The following LRRC37A2 variants were observed in gnomAD, a reference collection of about 807,000 sequenced individuals.
LRRC37A2 encodes leucine rich repeat containing 37 member A2.
In LRRC37A2, 9 loss-of-function variants were observed where a neutral mutation model predicts 68.8. The ratio of observed to expected loss-of-function variants is 0.13; its 90% confidence interval spans 0.08 to 0.23. LRRC37A2 has a LOEUF of 0.23. LRRC37A2 is among the 10% of genes least tolerant of loss of function. The probability of loss-of-function intolerance (pLI) is 1.00; values close to 1 mark genes in which losing one functional copy is unlikely to be tolerated. For synonymous variants in LRRC37A2, 63 were observed against 367.6 expected (o/e 0.17, Z 9.48); for missense variants, 168 against 950.4 (o/e 0.18, Z 10.82).
chr17:46,716,219 G>A, the LRRC37A2 span, among the ~76,000 whole-genome samples: 1 of 151,000 alleles, frequency 6.6e-6, no homozygotes, highest in Non-Finnish European at 1.5e-5. Flanking sequence ...TCATTCTTTA[G>A]TATAAGTTCT....
chr17:46,516,186 C>T (rs2051270354), intron 2 of LRRC37A2, among the ~76,000 whole-genome samples: 1 of 149,246 alleles, frequency 6.7e-6, no homozygotes. Flanking sequence ...GCCTGGAGTC[C>T]CAGCTACTCG....
At chr17:46,731,262 T>TA in the LRRC37A2 span, among the ~76,000 whole-genome samples, 2 of 152,156 alleles carry the variant, frequency 1.3e-5, no homozygotes, top group Non-Finnish European at 2.9e-5. Context: ...TGATTCCAGT[T>TA]ACATGAAATG....
At chr17:46,716,903 G>GT in the LRRC37A2 span, among the ~76,000 whole-genome samples, 4 of 152,124 alleles carry the variant, frequency 2.6e-5, no homozygotes, top group African/African-American at 4.8e-5. Flanking sequence ...TTTTTTCAGT[G>GT]TAACTAAAGC....
the LRRC37A2 span, chr17:46,935,356 C>T: frequency 3.4e-5 from 49 of 1,455,418 alleles, 1 homozygote; most frequent in African/African-American, 7.0e-4. Context: ...GTACCCAGTT[C>T]CTTTGCCAGT....
the LRRC37A2 span, among the ~76,000 whole-genome samples, chr17:46,479,624 C>G: frequency 9.8e-6 from 1 of 102,334 alleles, no homozygotes; most frequent in Admixed American, 9.5e-5. Flanking sequence ...TCTCCTGCCT[C>G]AGCCTCCCAA....
At chr17:46,999,266 T>C in the LRRC37A2 span, among the ~76,000 whole-genome samples, 17 of 152,224 alleles carry the variant, frequency 1.1e-4, no homozygotes, top group African/African-American at 4.1e-4. Flanking sequence ...CTGCAGCTTA[T>C]TTATTAAGAA....
the LRRC37A2 span, among the ~76,000 whole-genome samples, chr17:46,945,223 G>A: frequency 2.2e-4 from 34 of 152,316 alleles, no homozygotes; most frequent in African/African-American, 8.2e-4. Context: ...GAGGCCTGAT[G>A]TGCTGTCTTC....
the LRRC37A2 span, chr17:46,940,283 C>T: frequency 7.0e-7 from 1 of 1,435,678 alleles, no homozygotes; most frequent in South Asian, 1.5e-5. Flanking sequence ...TGTTCCTACC[C>T]CTCCGGGCCA....
the LRRC37A2 span, among the ~76,000 whole-genome samples, chr17:46,980,391 CTCT>C: frequency 6.7e-6 from 1 of 150,076 alleles, no homozygotes; most frequent in African/African-American, 2.5e-5. Context: ...TTCTTTCTTT[CTCT>C]TCTTTCTTCT....
the LRRC37A2 span, among the ~76,000 whole-genome samples, chr17:46,902,264 C>T: frequency 0.011 from 1,715 of 152,192 alleles, 40 homozygotes; most frequent in African/African-American, 0.039. Flanking sequence ...TTTTCCCGTG[C>T]TTTAGATCAA....
downstream of LRRC37A2, chr17:46,560,536 A>C (rs1348171973): frequency 2.0e-5 from 1 of 49,046 alleles, no homozygotes; most frequent in Non-Finnish European, 4.6e-5. Context: ...TAGGGCACAA[A>C]CCTAGTCAGG....
the LRRC37A2 span, among the ~76,000 whole-genome samples, chr17:46,798,297 A>G: frequency 6.6e-6 from 1 of 152,144 alleles, no homozygotes; most frequent in Non-Finnish European, 1.5e-5. Context: ...CTAGAGGGAG[A>G]TGGGGAATGG....
chr17:46,550,983 C>G lies in LRRC37A2; in HGVS notation c.4809+464C>G, dbSNP rs559774132. ...TATTAGATTTACACAGTATCGTCCT[C>G]CAGTGTGTAAGGCATTGTCTAAATA... On this transcript the variant is annotated intron_variant, in intron 11 of 14. Coordinates refer to ENST00000576629, the Ensembl canonical transcript of LRRC37A2. 6.7e-5 allele frequency among the ~76,000 whole-genome samples: 10 copies of G among 149,738 alleles called. 1 individual carries two copies. The highest frequency in any genetic ancestry group is 2.3e-4 in the African/African-American group (9 of 39,164).
At chr17:46,831,126 A>G in the LRRC37A2 span, among the ~76,000 whole-genome samples, 1 of 152,230 alleles carries the variant, frequency 6.6e-6, no homozygotes, top group Non-Finnish European at 1.5e-5. Flanking sequence ...TAGCATGGAA[A>G]TGCCTGGAGT....
At chr17:46,943,249 G>A in the LRRC37A2 span, among the ~76,000 whole-genome samples, 6 of 152,172 alleles carry the variant, frequency 3.9e-5, no homozygotes, top group African/African-American at 1.4e-4. Context: ...ATCAGAAGGA[G>A]CCAGATCCCT....
chr17:46,622,436 T>C, the LRRC37A2 span, among the ~76,000 whole-genome samples: 1 of 149,658 alleles, frequency 6.7e-6, no homozygotes, highest in Non-Finnish European at 1.5e-5. Flanking sequence ...CCAGCCTGGG[T>C]GACAGAGTGA....
chr17:46,896,452 A>AAGAG, the LRRC37A2 span, among the ~76,000 whole-genome samples: 38 of 65,880 alleles, frequency 5.8e-4, 2 homozygotes, highest in South Asian at 3.0e-3. Context: ...GAAAGAAAGA[A>AAGAG]AAAGAAAGAA....
chr17:46,735,611 G>A, the LRRC37A2 span, among the ~76,000 whole-genome samples: 2 of 152,110 alleles, frequency 1.3e-5, no homozygotes, highest in South Asian at 2.1e-4. Flanking sequence ...TTGAGGGTCA[G>A]CTAAGATAAT....
the LRRC37A2 span, among the ~76,000 whole-genome samples, chr17:46,924,814 TAAGA>T: frequency 6.6e-6 from 1 of 152,204 alleles, no homozygotes; most frequent in African/African-American, 2.4e-5. Context: ...TTCATGTTAC[TAAGA>T]AAGGGCCTAT....
Sources: allele counts gnomAD v4.1 joint callset (sites outside exome capture counted in the v4.1 genomes callset), GRCh38; gene constraint gnomAD v4.1.1; transcripts MANE v1.5; gene names NCBI Gene and HGNC (gene_info 2026-07-23, HGNC 2026-07-21).